SAG: variants seen among roughly 807,000 people sequenced by gnomAD.
SAG encodes the protein S-arrestin.
A neutral mutation model predicts 55.0 loss-of-function variants in SAG; 45 were observed. The ratio of observed to expected loss-of-function variants is 0.82; its 90% CI spans 0.64 to 1.05. The LOEUF (loss-of-function observed/expected upper bound fraction) is 1.05, where lower values mean the gene tolerates loss of function less well. Among genes scored for constraint, SAG ranks in the 50% least tolerant of loss-of-function variants. The pLI, the probability that SAG is intolerant of heterozygous loss-of-function variation, is 0.00. For synonymous variants in SAG, 189 were observed against 197.4 expected (o/e 0.96, Z 0.36); for missense variants, 455 against 512.1 (o/e 0.89, Z 1.08).
In SAG at chr2:233,346,427, T is replaced by C. The variant is rs1183052131; in HGVS notation, c.1112+15T>C. On this transcript the variant is annotated intron_variant, in intron 15 of 15. Coordinates refer to ENST00000409110, the MANE Select transcript of SAG (RefSeq NM_000541.5). ...GCTAAGGAAAGGTGAGTGAGCCTCT[T>C]GAATGTGGCCCTGATTTGTCCTATG... 2 of 1,613,596 alleles carry C rather than the reference T, an allele frequency of 1.2e-6. No individual in the cohort carries two copies. Among genetic ancestry groups the C allele is most frequent in the Non-Finnish European group, 1.7e-6 (2 of 1,179,626 alleles).
In SAG at chr2:233,316,128, G is replaced by T; in HGVS notation, c.129G>T (p.Gln43His). The part of the protein sequence containing the change: ...RDYIDHVSQV[Q>H]PVDGVVLVDP... ...ACATAGACCATGTCAGCCAAGTCCA[G>T]CCTGTGGGTAAGTTGCTTGGAGAAA... The change falls in exon 3 of 16, where the codon CAG (glutamine) becomes CAT (histidine). Residue 43 changes from glutamine to histidine, a missense_variant. Physicochemically the swap from Gln to His is conservative, Grantham distance 24 (BLOSUM62 0). Coordinates refer to ENST00000409110, the MANE Select transcript of SAG (RefSeq NM_000541.5). 1 of 1,587,840 alleles carries T rather than the reference G, an allele frequency of 6.3e-7. No homozygotes were observed. The highest frequency in any genetic ancestry group is 1.7e-5 in the Admixed American group (1 of 58,164).
At chr2:233,312,706 G>A (rs779952351) in intron 2 of SAG, among the ~76,000 whole-genome samples, 3 of 152,132 alleles carry the variant, frequency 2.0e-5, no homozygotes, top group East Asian at 1.9e-4. Context: ...AAGCATTCTC[G>A]GGGCCCCGGG....
At chr2:233,323,840 C>T (rs1405833306) in intron 6 of SAG, among the ~76,000 whole-genome samples, 3 of 152,092 alleles carry the variant, frequency 2.0e-5, no homozygotes, top group African/African-American at 7.2e-5. Context: ...ACACATTAAC[C>T]GAGAGCACCA....
chr2:233,327,425 A>G (rs1700597480), intron 7 of SAG: 1 of 410,250 alleles, frequency 2.4e-6, no homozygotes, highest in African/African-American at 2.0e-5. Context: ...TAAGCCCCGA[A>G]AAGCTCCCGG....
At chr2:233,334,255 A>C (rs933255613) in intron 10 of SAG, 1 of 151,770 alleles carries the variant, frequency 6.6e-6, no homozygotes, top group African/African-American at 2.4e-5. Context: ...GGAGGAGCCA[A>C]CTCTCCAGCC....
Position 233,320,836 on chromosome 2 carries a change from TC to T in SAG, c.375+15del. 6.4e-7 allele frequency: 1 copy of T among 1,570,918 alleles called. No homozygotes were observed. Among genetic ancestry groups the T allele is most frequent in the Non-Finnish European group, 8.6e-7 (1 of 1,157,916 alleles). ...CTTTCTCCTGACGGTGGGTGACTCC[TC>T]CGGCCAGCCCTGCTTCCTTCACCCG... On this transcript the variant is annotated intron_variant, in intron 5 of 15. Coordinates refer to ENST00000409110, the MANE Select transcript of SAG (RefSeq NM_000541.5).
intron 4 of SAG, 38 bp from the exon 5 acceptor site, chr2:233,320,592 G>T: frequency 6.6e-7 from 1 of 1,511,134 alleles, no homozygotes; most frequent in South Asian, 1.3e-5. Flanking sequence ...GTGCCAGGCC[G>T]AGGGCCAAGT....
At chr2:233,339,338 A>G (rs1215758748) in intron 12 of SAG, among the ~76,000 whole-genome samples, 1 of 149,880 alleles carries the variant, frequency 6.7e-6, no homozygotes, top group Non-Finnish European at 1.5e-5. Context: ...TTTTCGTTTC[A>G]AATTCCATTG....
chr2:233,341,757 C>T (rs193215125), intron 13 of SAG, among the ~76,000 whole-genome samples: 122 of 152,264 alleles, frequency 8.0e-4, no homozygotes, highest in Admixed American at 7.8e-3. Flanking sequence ...TAAAGATGTT[C>T]TAGAACTAGA....
At chr2:233,330,538 TTC>T (rs1700726281) in intron 9 of SAG, among the ~76,000 whole-genome samples, 1 of 148,032 alleles carries the variant, frequency 6.8e-6, no homozygotes, top group African/African-American at 2.5e-5. Flanking sequence ...CCTTCCTTCC[TTC>T]CTCCCTTTCT....
At chr2:233,325,596 A>G (rs755985551) in intron 6 of SAG, among the ~76,000 whole-genome samples, 68 of 152,178 alleles carry the variant, frequency 4.5e-4, no homozygotes, top group Non-Finnish European at 9.6e-4. Context: ...GGGGGCACAG[A>G]ACAATGGGGA....
chr2:233,327,503 T>C (rs1700602183), intron 7 of SAG: 1 of 272,790 alleles, frequency 3.7e-6, no homozygotes, highest in Admixed American at 5.0e-5. Flanking sequence ...TGTGGTAAAA[T>C]GTACACAACA....
At chr2:233,309,119 C>A in intron 1 of SAG, 43 bp from the exon 2 acceptor site, 1 of 1,205,054 alleles carries the variant, frequency 8.3e-7, no homozygotes, top group Non-Finnish European at 1.2e-6. Flanking sequence ...TTAGGATTGT[C>A]TTACCTTTCT....
chr2:233,311,542 G>A (rs961984236), intron 2 of SAG, among the ~76,000 whole-genome samples: 5 of 152,224 alleles, frequency 3.3e-5, no homozygotes, highest in African/African-American at 9.6e-5. Context: ...CCTGGTGGAA[G>A]ATGGTGGTCC....
At chr2:233,326,101 C>T (rs1458278257) in intron 6 of SAG, among the ~76,000 whole-genome samples, 8 of 151,924 alleles carry the variant, frequency 5.3e-5, no homozygotes, top group Admixed American at 2.6e-4. Context: ...GGCTCCCCAA[C>T]GCATGTGAAC....
At chr2:233,315,994 C>T in intron 2 of SAG, 81 bp from the exon 3 acceptor site, 1 of 838,358 alleles carries the variant, frequency 1.2e-6, no homozygotes, top group Non-Finnish European at 2.0e-6. Flanking sequence ...GCCACCGCGC[C>T]CGGGCTGCTG....
chr2:233,309,862 C>A (rs1209740185), intron 2 of SAG, among the ~76,000 whole-genome samples: 1 of 152,226 alleles, frequency 6.6e-6, no homozygotes, highest in African/African-American at 2.4e-5. Flanking sequence ...CTTTTCCTAG[C>A]CAGCCTTGAA....
At chr2:233,318,120 T>C (rs1700264937) in intron 3 of SAG, among the ~76,000 whole-genome samples, 1 of 152,114 alleles carries the variant, frequency 6.6e-6, no homozygotes, top group African/African-American at 2.4e-5. Context: ...ACCACAGGCA[T>C]GCACCACCGC....
chr2:233,330,631 A>C lies in SAG; in HGVS notation c.734-1009A>C, dbSNP rs764736000. 1.9e-3 allele frequency among the ~76,000 whole-genome samples: 296 copies of C among 151,838 alleles called. 2 individuals carry two copies. The highest frequency in any genetic ancestry group is 1.7e-3 in the Non-Finnish European group (116 of 67,962). On this transcript the variant is annotated intron_variant, in intron 9 of 15. Transcript: ENST00000409110. Reference sequence around the variant, plus strand: ...CTGCAACCTCCAGCTCCTGGGTTCAAGCCATTCTCCTGCCTCAGCCTCCCA... The same window carrying C: ...CTGCAACCTCCAGCTCCTGGGTTCACGCCATTCTCCTGCCTCAGCCTCCCA...
Sources: allele counts gnomAD v4.1 joint callset (sites outside exome capture counted in the v4.1 genomes callset), GRCh38; gene constraint gnomAD v4.1.1; transcripts MANE v1.5; gene names NCBI Gene and HGNC (gene_info 2026-07-23, HGNC 2026-07-21).